EBF3: variants seen among roughly 807,000 people sequenced by gnomAD.
The protein encoded by EBF3 is EBF transcription factor 3.
Under a neutral mutation model 77.1 loss-of-function variants are expected in EBF3, and 18 were observed. The ratio of observed to expected loss-of-function variants is 0.23; its 90% CI spans 0.16 to 0.35. The LOEUF is 0.35. Among genes scored for constraint, EBF3 ranks in the 10% least tolerant of loss-of-function variants. The pLI is 1.00. For missense variants in EBF3, 558 were observed against 860.0 expected, an observed-to-expected ratio of 0.65 and a Z score of 4.39; for synonymous variants, 350 against 343.5, an observed-to-expected ratio of 1.02 and a Z score of -0.21.
At chr10:129,922,023 C>G (rs1032958719) in intron 6 of EBF3, among the ~76,000 whole-genome samples, 4 of 152,212 alleles carry the variant, frequency 2.6e-5, no homozygotes, top group African/African-American at 9.7e-5. Flanking sequence ...GGTGGCCCCA[C>G]GTCCCAGAGT....
At chr10:129,886,487 T>C (rs1853595589) in intron 6 of EBF3, among the ~76,000 whole-genome samples, 1 of 152,174 alleles carries the variant, frequency 6.6e-6, no homozygotes, top group African/African-American at 2.4e-5. Flanking sequence ...TCACCTCCCT[T>C]TGTTGATGAG....
rs1372097387 is a variant in EBF3 at position 129,843,049 on chromosome 10, C to T, written c.1194+88G>A. 3.8e-6 allele frequency: 5 copies of T among 1,329,520 alleles called. No homozygotes were observed. The Admixed American group carries it at 5.9e-5, about 16-fold the overall frequency. 82.4% of individuals were successfully genotyped at this position (1,329,520 alleles called of 1,614,324 possible). On this transcript the variant is annotated intron_variant, in intron 12 of 16. Coordinates refer to ENST00000440978, the MANE Select transcript of EBF3 (RefSeq NM_001375380.1). ...AGTCGCTGGAAAAGCATGCTTATGT[C>T]CAGAAAGCCCACACTGGAGCCACGC...
chr10:129,867,565 G>A lies in EBF3; in HGVS notation c.912+217C>T, dbSNP rs766220396. 3.3e-5 allele frequency among the ~76,000 whole-genome samples: 5 copies of A among 152,196 alleles called. No homozygotes were observed. The South Asian group carries it at 6.2e-4, about 19-fold the overall frequency. ...TCTAGCACTAATTGTTCCAGTGGAC[G>A]GGGGACCTCGATGGCAGGTTTTAAA... On this transcript the variant is annotated intron_variant, in intron 9 of 16. Transcript: ENST00000440978.
chr10:129,895,226 G>T (rs900884557), intron 6 of EBF3, among the ~76,000 whole-genome samples: 1 of 152,222 alleles, frequency 6.6e-6, no homozygotes, highest in Non-Finnish European at 1.5e-5. Context: ...CTCAACCACT[G>T]CCTCACCAGC....
chr10:129,889,259 G>A (rs1478941183), intron 6 of EBF3, among the ~76,000 whole-genome samples: 2 of 152,254 alleles, frequency 1.3e-5, no homozygotes, highest in East Asian at 3.9e-4. Context: ...AGGGTCTACA[G>A]AGAGCATGGG....
chr10:129,946,196 C>A (rs893346974), intron 6 of EBF3, among the ~76,000 whole-genome samples: 1 of 152,224 alleles, frequency 6.6e-6, no homozygotes, highest in African/African-American at 2.4e-5. Flanking sequence ...CCTGGCCTCG[C>A]GCGGACCCGC....
chr10:129,882,856 A>G (rs1853302134), intron 6 of EBF3, among the ~76,000 whole-genome samples: 1 of 152,194 alleles, frequency 6.6e-6, no homozygotes, highest in Admixed American at 6.5e-5. Flanking sequence ...GGTAATTAAT[A>G]CAGCCCATCC....
chr10:129,855,879 C>G (rs1356220931), intron 10 of EBF3, among the ~76,000 whole-genome samples: 1 of 152,184 alleles, frequency 6.6e-6, no homozygotes. Context: ...ACCCTCTGAG[C>G]AATGGATTTG....
chr10:129,960,461 G>A (rs993190467), intron 4 of EBF3, among the ~76,000 whole-genome samples: 3 of 152,338 alleles, frequency 2.0e-5, no homozygotes, highest in East Asian at 1.9e-4. Flanking sequence ...GCGCTGCAGG[G>A]CGCGTGGCCG....
chr10:129,868,973 C>G (rs1852223904), intron 8 of EBF3, among the ~76,000 whole-genome samples: 1 of 152,248 alleles, frequency 6.6e-6, no homozygotes, highest in Non-Finnish European at 1.5e-5. Flanking sequence ...TCAGACTACT[C>G]TACCCTTTAG....
At chr10:129,871,747 C>G (rs893054889) in intron 8 of EBF3, among the ~76,000 whole-genome samples, 2 of 152,098 alleles carry the variant, frequency 1.3e-5, no homozygotes, top group Admixed American at 1.3e-4. Flanking sequence ...AATAAATAAC[C>G]CTACTATTTA....
chr10:129,887,048 T>TGTGG (rs1327072071), intron 6 of EBF3, among the ~76,000 whole-genome samples: 20 of 10,026 alleles, frequency 2.0e-3, no homozygotes, highest in African/African-American at 7.1e-3. Flanking sequence ...GGGTGGGGGT[T>TGTGG]GTGGGCGGGG....
Position 129,835,922 on chromosome 10 carries a change from G to T in EBF3, c.*2021C>A, listed in dbSNP as rs1849585742. ...CTAAGAGGCACGATATCTGAAGGAG[G>T]TCATTCCAGTTTTAAAAGTACGGAC... On this transcript the variant is annotated 3_prime_UTR_variant, in exon 17 of 17. Transcript: ENST00000440978. The T allele has an allele frequency of 6.6e-6, 1 of 152,384 alleles. No individual in the cohort carries two copies. The highest frequency in any genetic ancestry group is 1.5e-5 in the Non-Finnish European group (1 of 68,012). The allele number at this position is 152,384 out of a possible 1,614,324, so 9.4% of individuals were successfully genotyped here. A position where few individuals can be genotyped will look rare whatever the true frequency, so the allele number is the denominator to read the frequency against.
In EBF3 at chr10:129,841,045, C is replaced by CCCA. The variant is rs367847775; in HGVS notation, c.1373-14_1373-13insTGG. ...CGACTGTAGCCGACTGTTGAAATCC[C>CCCA]CCCCCCGGCCAAAAATAACATTATT... On this transcript the variant is annotated splice_polypyrimidine_tract_variant and intron_variant, in intron 13 of 16. Coordinates refer to ENST00000440978, the MANE Select transcript of EBF3 (RefSeq NM_001375380.1). This position sits in a 1 kb window ranked among gnomAD's most constrained non-coding sequence, Gnocchi z 4.6. 1.2e-6 allele frequency: 2 copies of CCCA among 1,600,472 alleles called. No individual in the cohort carries two copies. The highest frequency in any genetic ancestry group is 2.2e-5 in the East Asian group (1 of 44,760).
At chr10:129,962,085 TCC>T in intron 4 of EBF3, 84 bp downstream of exon 4, 1 of 1,246,740 alleles carries the variant, frequency 8.0e-7, no homozygotes, top group Non-Finnish European at 1.2e-6. Flanking sequence ...ATACACGAGA[TCC>T]ATTTGTCAGT....
intron 6 of EBF3, among the ~76,000 whole-genome samples, 199 bp from the exon 7 acceptor site, chr10:129,878,048 T>G (rs1302496095): frequency 1.3e-5 from 2 of 151,954 alleles, no homozygotes; most frequent in African/African-American, 4.8e-5. Flanking sequence ...AGGAGAGCAG[T>G]GAGTTGCATT....
chr10:129,955,662 A>T (rs1858981958), intron 6 of EBF3, among the ~76,000 whole-genome samples: 1 of 152,234 alleles, frequency 6.6e-6, no homozygotes. Context: ...ATGTTGCACA[A>T]ATCCAAAGTG....
At chr10:129,843,407 T>C (rs1382034229) in intron 11 of EBF3, 4 of 521,644 alleles carry the variant, frequency 7.7e-6, no homozygotes, top group Admixed American at 3.1e-5. Context: ...ACAAGGAGGC[T>C]GAATAAAAGC....
rs1333528833 is a variant in EBF3, at chr10:129,864,288, G to T, written c.1039+2853C>A. Among the ~76,000 whole-genome samples, 3 of 152,142 alleles carry T rather than the reference G, an allele frequency of 2.0e-5. No homozygotes were observed. Among genetic ancestry groups the T allele is most frequent in the Non-Finnish European group, 2.9e-5 (2 of 68,030 alleles). ...GGCCCGGCCATGCTGGGAATTGGGG[G>T]GACGCTGACATCACAGGCTCCGCCA... On this transcript the variant is annotated intron_variant, in intron 10 of 16. Transcript: ENST00000440978. The surrounding 1 kb of genome is among the most constrained non-coding windows in gnomAD (Gnocchi z 4.4).
Sources: allele counts gnomAD v4.1 joint callset (sites outside exome capture counted in the v4.1 genomes callset), GRCh38; gene constraint gnomAD v4.1.1; non-coding constraint Gnocchi (gnomAD v3.1); transcripts MANE v1.5; gene names NCBI Gene and HGNC (gene_info 2026-07-23, HGNC 2026-07-21).